The following SOX6 variants were observed in gnomAD, a reference collection of about 807,000 sequenced individuals.
SOX6 encodes SRY-box transcription factor 6.
SOX6 carries 11 observed loss-of-function variants against 97.8 expected under a neutral mutation model. The ratio of observed to expected loss-of-function variants is 0.11; its 90% CI spans 0.07 to 0.19. The LOEUF is 0.19. Among genes scored for constraint, SOX6 ranks in the 10% least tolerant of loss-of-function variants. The probability of loss-of-function intolerance (pLI) is 1.00; values close to 1 mark genes in which losing one functional copy is unlikely to be tolerated. For missense variants in SOX6, 810 were observed against 1,039.5 expected, an observed-to-expected ratio of 0.78 and a Z score of 3.04; for synonymous variants, 360 against 371.4, an observed-to-expected ratio of 0.97 and a Z score of 0.35.
Position 16,036,396 on chromosome 11 carries a change from T to C in SOX6, c.1623+10118A>G, listed in dbSNP as rs577207530. Among the ~76,000 whole-genome samples the C allele has an allele frequency of 2.6e-5, 4 of 152,292 alleles. No individual in the cohort carries two copies. The South Asian group carries it at 6.2e-4, about 24-fold the overall frequency. ...ACCCGGCCTGATTCAACTCTTCTTA[T>C]AGTGTGATGAAGAAGTGCTGACTAA... On this transcript the variant is annotated intron_variant, in intron 12 of 15. Transcript: ENST00000683767.
At chr11:16,161,064 A>C (rs528723184) in intron 6 of SOX6, among the ~76,000 whole-genome samples, 2 of 152,114 alleles carry the variant, frequency 1.3e-5, no homozygotes, top group East Asian at 3.9e-4. Flanking sequence ...TCAAAAAAAA[A>C]GTGGGGGAGG....
intron 4 of SOX6, among the ~76,000 whole-genome samples, chr11:16,604,055 C>A (rs1848303541): frequency 6.6e-6 from 1 of 152,234 alleles, no homozygotes; most frequent in Non-Finnish European, 1.5e-5. Flanking sequence ...GACACCTTAC[C>A]TTATGAGGAA....
intron 3 of SOX6, among the ~76,000 whole-genome samples, chr11:16,249,429 T>A (rs1771549760): frequency 6.6e-6 from 1 of 152,160 alleles, no homozygotes; most frequent in Non-Finnish European, 1.5e-5. Flanking sequence ...CTGAGCCCAC[T>A]TCAGCCTGGA....
intron 6 of SOX6, among the ~76,000 whole-genome samples, chr11:16,142,601 TG>T (rs1318786579): frequency 6.6e-6 from 1 of 151,940 alleles, no homozygotes; most frequent in African/African-American, 2.4e-5. Context: ...CTAAAAACCT[TG>T]AAAAAATATT....
chr11:16,279,857 C>A (rs1293647995), intron 3 of SOX6, among the ~76,000 whole-genome samples: 1 of 152,022 alleles, frequency 6.6e-6, no homozygotes, highest in East Asian at 1.9e-4. Context: ...AGCTTGATTA[C>A]TGAGTAATTA....
At chr11:16,085,128 T>C (rs1459064252) in intron 9 of SOX6, among the ~76,000 whole-genome samples, 4 of 152,160 alleles carry the variant, frequency 2.6e-5, no homozygotes, top group African/African-American at 9.7e-5. Context: ...TACTGCCTCT[T>C]GGGCCCTGGA....
chr11:16,316,828 A>T (rs2134299069), intron 3 of SOX6: 1 of 152,188 alleles, frequency 6.6e-6, no homozygotes, highest in Admixed American at 6.6e-5. Flanking sequence ...AACATAGCCA[A>T]AAATGTGGAC....
chr11:16,267,596 G>A (rs1038622665), intron 3 of SOX6, among the ~76,000 whole-genome samples: 1 of 151,512 alleles, frequency 6.6e-6, no homozygotes, highest in Admixed American at 6.6e-5. Context: ...CTGTTAGTGG[G>A]TATGTAAGTT....
At chr11:16,189,404 CATGTGTGTGTGCATGTGT>C (rs1470592406) in intron 4 of SOX6, among the ~76,000 whole-genome samples, 3 of 97,012 alleles carry the variant, frequency 3.1e-5, no homozygotes, top group South Asian at 3.9e-4. Context: ...AGGCAAAGGT[CATGTGTGTGTGCATGTGT>C]GTGTGTGTGT....
At chr11:16,250,501 C>CA (rs1853477412) in intron 3 of SOX6, among the ~76,000 whole-genome samples, 1 of 151,836 alleles carries the variant, frequency 6.6e-6, no homozygotes, top group African/African-American at 2.4e-5. Context: ...TATAAAAACA[C>CA]AAAAAATATT....
chr11:16,229,262 A>C (rs940563549), intron 4 of SOX6, among the ~76,000 whole-genome samples: 1 of 152,180 alleles, frequency 6.6e-6, no homozygotes, highest in Non-Finnish European at 1.5e-5. Context: ...TTCTAAAAGC[A>C]CAAACTTATG....
chr11:16,196,736 T>A (rs1851787525), intron 4 of SOX6, among the ~76,000 whole-genome samples: 1 of 152,032 alleles, frequency 6.6e-6, no homozygotes, highest in South Asian at 2.1e-4. Context: ...TAATTTTCAT[T>A]CCACTGGACC....
intron 3 of SOX6, among the ~76,000 whole-genome samples, chr11:16,256,244 T>C (rs537459762): frequency 2.6e-5 from 4 of 151,896 alleles, no homozygotes; most frequent in Non-Finnish European, 5.9e-5. Context: ...AAGGATATTA[T>C]AAGAAAATAA....
At chr11:16,159,602 C>A (rs1258793049) in intron 6 of SOX6, among the ~76,000 whole-genome samples, 1 of 151,968 alleles carries the variant, frequency 6.6e-6, no homozygotes, top group Non-Finnish European at 1.5e-5. Flanking sequence ...AAATATATAC[C>A]TACAGATTTT....
At chr11:16,145,435 T>C (rs1850266095) in intron 6 of SOX6, among the ~76,000 whole-genome samples, 1 of 152,176 alleles carries the variant, frequency 6.6e-6, no homozygotes, top group Non-Finnish European at 1.5e-5. Context: ...CTTTGAAAAC[T>C]GGCACAAGAC....
intron 3 of SOX6, among the ~76,000 whole-genome samples, chr11:16,247,255 G>A (rs771494519): frequency 1.8e-4 from 28 of 151,904 alleles, no homozygotes; most frequent in Admixed American, 4.6e-4. Flanking sequence ...CCTTTTTATC[G>A]CTGAATAATA....
intron 3 of SOX6, among the ~76,000 whole-genome samples, chr11:16,658,568 C>T (rs1337536533): frequency 1.3e-5 from 2 of 152,024 alleles, no homozygotes; most frequent in African/African-American, 2.4e-5. Context: ...ATTAGCCAGG[C>T]GTGGTGGCGG....
At chr11:16,364,683 T>C (rs1256253647) in intron 1 of SOX6, among the ~76,000 whole-genome samples, 8 of 152,116 alleles carry the variant, frequency 5.3e-5, no homozygotes, top group Admixed American at 4.6e-4. Flanking sequence ...TAAAACACCA[T>C]ACAAATGTAA....
chr11:16,020,740 C>T (rs1398297097), intron 12 of SOX6, among the ~76,000 whole-genome samples: 1 of 152,104 alleles, frequency 6.6e-6, no homozygotes, highest in African/African-American at 2.4e-5. Flanking sequence ...GTAATTAGCC[C>T]CTAGTTACAT....
Sources: allele counts gnomAD v4.1 joint callset (sites outside exome capture counted in the v4.1 genomes callset), GRCh38; gene constraint gnomAD v4.1.1; transcripts MANE v1.5; gene names NCBI Gene and HGNC (gene_info 2026-07-23, HGNC 2026-07-21).